Variants in GRIK4 observed in about 807,000 individuals in gnomAD.
GRIK4 encodes the protein glutamate ionotropic receptor kainate type subunit 4.
In GRIK4, 40 loss-of-function variants were observed where a neutral mutation model predicts 104.9. The ratio of observed to expected loss-of-function variants is 0.38; its 90% CI spans 0.30 to 0.50. The LOEUF (loss-of-function observed/expected upper bound fraction) is 0.50. GRIK4 is among the 20% of genes least tolerant of loss of function. GRIK4 has a pLI of 0.93. For missense variants in GRIK4, 1,047 were observed against 1,308.1 expected (o/e 0.80, Z 3.08); for synonymous variants, 485 against 524.9 (o/e 0.92, Z 1.04).
chr11:120,704,423 C>T (rs1950597270), intron 3 of GRIK4, among the ~76,000 whole-genome samples: 2 of 152,208 alleles, frequency 1.3e-5, no homozygotes. Flanking sequence ...AGACATGACC[C>T]AGGGCCAACA....
chr11:120,982,169 T>G lies in GRIK4; in HGVS notation c.2459T>G (p.Ile820Ser), dbSNP rs757180061. ...CTTATTTGTGGCTTAATCGTGGCCA[T>G]TTTTATGGCTATGTTGGAGTTTTTA... ...VVLICGLIVAIFMAMLEFLWT... is the reference protein window; with the variant it reads ...VVLICGLIVASFMAMLEFLWT... Residue 820 changes from isoleucine to serine, a missense_variant, in exon 20 of 21, where the codon ATT (isoleucine) becomes AGT (serine). Ile to Ser is a moderately radical substitution (Grantham distance 142). Transcript: ENST00000527524. The G allele has an allele frequency of 6.2e-7, 1 of 1,613,340 alleles. No homozygotes were observed. The highest frequency in any genetic ancestry group is 1.1e-5 in the South Asian group (1 of 91,080).
intron 6 of GRIK4, among the ~76,000 whole-genome samples, chr11:120,827,346 C>G (rs1033795420): frequency 1.3e-5 from 2 of 152,194 alleles, no homozygotes; most frequent in Non-Finnish European, 2.9e-5. Flanking sequence ...CCTCCCAGAA[C>G]AGCCTGCCTG....
chr11:120,754,848 A>AT (rs1951625414), intron 3 of GRIK4, among the ~76,000 whole-genome samples: 1 of 152,016 alleles, frequency 6.6e-6, no homozygotes, highest in African/African-American at 2.4e-5. Context: ...GTCTGTTCAG[A>AT]TTTTTTGCCC....
At chr11:120,558,503 G>A (rs958841041) in intron 1 of GRIK4, among the ~76,000 whole-genome samples, 1 of 152,148 alleles carries the variant, frequency 6.6e-6, no homozygotes, top group African/African-American at 2.4e-5. Flanking sequence ...CAGGAGAATC[G>A]CTTGAACCCA....
chr11:120,799,257 A>G (rs962103280), intron 3 of GRIK4, among the ~76,000 whole-genome samples: 10 of 152,230 alleles, frequency 6.6e-5, no homozygotes, highest in Admixed American at 6.5e-4. Context: ...CATTTGGCCC[A>G]AAGGGAAGGA....
rs542624376 is a variant in GRIK4, at chr11:120,800,866, C to T, written c.83-1827C>T. 4.0e-4 allele frequency among the ~76,000 whole-genome samples: 61 copies of T among 152,330 alleles called. 1 individual carries two copies. The highest frequency in any genetic ancestry group is 1.4e-3 in the African/African-American group (59 of 41,562). ...CCACGTGTCAGTGAAATGTATTCGG[C>T]TTGATTCCCTGTGTTGCTTTTCTGA... is the stretch of plus-strand genomic sequence containing the variant. On this transcript the variant is annotated intron_variant, in intron 3 of 20. Coordinates refer to ENST00000527524, the MANE Select transcript of GRIK4 (RefSeq NM_014619.5).
At chr11:120,740,378 T>A (rs1951306064) in intron 3 of GRIK4, among the ~76,000 whole-genome samples, 1 of 152,042 alleles carries the variant, frequency 6.6e-6, no homozygotes, top group Non-Finnish European at 1.5e-5. Context: ...CCTCCTTCCC[T>A]CACCCCCGCA....
intron 3 of GRIK4, among the ~76,000 whole-genome samples, chr11:120,670,792 G>C (rs939220730): frequency 2.4e-4 from 35 of 146,920 alleles, no homozygotes; most frequent in Non-Finnish European, 2.9e-4. Flanking sequence ...TGCCATGGTG[G>C]TTTGCTGCAC....
chr11:120,752,057 C>T (rs1951564834), intron 3 of GRIK4, among the ~76,000 whole-genome samples: 1 of 152,138 alleles, frequency 6.6e-6, no homozygotes, highest in South Asian at 2.1e-4. Flanking sequence ...CTGTGCACCC[C>T]ACCAAGCCCT....
intron 3 of GRIK4, among the ~76,000 whole-genome samples, chr11:120,739,346 C>T (rs1460400465): frequency 6.6e-6 from 1 of 152,316 alleles, no homozygotes. Flanking sequence ...ATCTGGCCCC[C>T]TTGAGTTTCC....
At chr11:120,637,034 A>G (rs1026009371) in intron 1 of GRIK4, among the ~76,000 whole-genome samples, 1 of 152,140 alleles carries the variant, frequency 6.6e-6, no homozygotes, top group African/African-American at 2.4e-5. Flanking sequence ...CCTCAATGCC[A>G]TGGGCCTCCC....
chr11:120,798,385 C>G (rs1217501093), intron 3 of GRIK4, among the ~76,000 whole-genome samples: 1 of 152,026 alleles, frequency 6.6e-6, no homozygotes, highest in African/African-American at 2.4e-5. Context: ...TCTCAAACTC[C>G]TGACCTCACG....
At chr11:120,621,441 C>A (rs1457721582) in intron 1 of GRIK4, among the ~76,000 whole-genome samples, 1 of 152,122 alleles carries the variant, frequency 6.6e-6, no homozygotes, top group Non-Finnish European at 1.5e-5. Context: ...TAACAGAAAC[C>A]CCCTCCCAGC....
intron 13 of GRIK4, among the ~76,000 whole-genome samples, chr11:120,929,486 C>A (rs2134601754): frequency 6.6e-6 from 1 of 152,154 alleles, no homozygotes; most frequent in African/African-American, 2.4e-5. Context: ...CGCAGGTAAA[C>A]TGATCAAAAG....
intron 16 of GRIK4, among the ~76,000 whole-genome samples, chr11:120,958,934 C>A (rs1274747282): frequency 6.6e-6 from 1 of 152,144 alleles, no homozygotes; most frequent in Non-Finnish European, 1.5e-5. Flanking sequence ...GGCAGAAGAG[C>A]TGAGGCAGGA....
intron 10 of GRIK4, among the ~76,000 whole-genome samples, chr11:120,874,500 C>T (rs572342901): frequency 6.6e-6 from 1 of 152,176 alleles, no homozygotes; most frequent in Non-Finnish European, 1.5e-5. Flanking sequence ...AGACTTAGCA[C>T]CTGGCCTCTC....
chr11:120,581,520 A>G lies in GRIK4; in HGVS notation c.-159+69633A>G, dbSNP rs527781765. Among the ~76,000 whole-genome samples the G allele has an allele frequency of 1.3e-4, 20 of 152,272 alleles. No individual in the cohort carries two copies. In the South Asian group the frequency reaches 2.3e-3, roughly 17 times the overall value. The stretch of plus-strand genomic sequence containing the variant: ...GCAATCAGTCTCTAGAGCTCTTTCA[A>G]TCTTGCAAAACTGAAACTCTGTACC... On this transcript the variant is annotated intron_variant, in intron 1 of 20. Transcript: ENST00000527524.
intron 3 of GRIK4, among the ~76,000 whole-genome samples, chr11:120,688,251 T>A (rs892146114): frequency 3.9e-5 from 6 of 152,152 alleles, no homozygotes; most frequent in African/African-American, 1.4e-4. Context: ...AACAGATGAT[T>A]GTTATATTTC....
chr11:120,539,789 G>C (rs555405599), intron 1 of GRIK4, among the ~76,000 whole-genome samples: 1 of 152,326 alleles, frequency 6.6e-6, no homozygotes, highest in Admixed American at 6.5e-5. Context: ...ATGTGTGCCA[G>C]GATGGCTTAA....
Sources: allele counts gnomAD v4.1 joint callset (sites outside exome capture counted in the v4.1 genomes callset), GRCh38; gene constraint gnomAD v4.1.1; transcripts MANE v1.5; gene names NCBI Gene and HGNC (gene_info 2026-07-23, HGNC 2026-07-21).